Variants in SLC16A5 observed in about 807,000 individuals in gnomAD.
SLC16A5 encodes the protein monocarboxylate transporter 6.
In SLC16A5, 29 loss-of-function variants were observed where a neutral mutation model predicts 33.2. The observed-to-expected ratio is 0.87, with a 90% confidence interval of 0.65 to 1.19. SLC16A5 has a LOEUF of 1.19. SLC16A5 is among the 50% of genes most tolerant of loss of function. The probability of loss-of-function intolerance (pLI) is 0.00; values close to 1 mark genes in which losing one functional copy is unlikely to be tolerated. For synonymous variants in SLC16A5, 248 were observed against 284.1 expected, an observed-to-expected ratio of 0.87 and a Z score of 1.28; for missense variants, 606 against 678.2, an observed-to-expected ratio of 0.89 and a Z score of 1.18.
downstream of SLC16A5, among the ~76,000 whole-genome samples, chr17:75,109,125 A>G (rs1198192653): frequency 6.6e-6 from 1 of 152,014 alleles, no homozygotes; most frequent in Non-Finnish European, 1.5e-5. This position sits in a 1 kb window ranked among gnomAD's most constrained non-coding sequence, Gnocchi z 5.0. Flanking sequence ...CGAGCAATCT[A>G]TCACACACCC....
chr17:75,096,409 C>G (rs966202195), intron 3 of SLC16A5, among the ~76,000 whole-genome samples: 2 of 150,602 alleles, frequency 1.3e-5, no homozygotes, highest in Non-Finnish European at 2.9e-5. Context: ...CGTGAGGAAG[C>G]TCTGTGGGTC....
At chr17:75,095,612 C>T (rs1294556159) in intron 3 of SLC16A5, among the ~76,000 whole-genome samples, 1 of 152,132 alleles carries the variant, frequency 6.6e-6, no homozygotes, top group African/African-American at 2.4e-5. Context: ...ATCCTGCCAC[C>T]TCAGCCTCCC....
chr17:75,107,064 A>G (rs1431107928), downstream of SLC16A5, among the ~76,000 whole-genome samples: 2 of 151,928 alleles, frequency 1.3e-5, no homozygotes, highest in Non-Finnish European at 2.9e-5. Flanking sequence ...TAATCCCAAC[A>G]CTTTGGAAGG....
chr17:75,092,147 G>A lies in SLC16A5; in HGVS notation c.-48-1442G>A, dbSNP rs759162111. ...CATGTATGCATGTGTGTACATATGC[G>A]TGTGTCTCTCTGTGTTTGTGTGTAA... On this transcript the variant is annotated intron_variant, in intron 2 of 6. Transcript: ENST00000329783. 2.6e-5 allele frequency among the ~76,000 whole-genome samples: 4 copies of A among 151,940 alleles called. No individual in the cohort carries two copies. In the South Asian group the frequency reaches 6.2e-4, roughly 24 times the overall value.
At chr17:75,109,489 G>GA (rs2145105197), downstream of SLC16A5, among the ~76,000 whole-genome samples, 1 of 152,348 alleles carries the variant, frequency 6.6e-6, no homozygotes, top group Admixed American at 6.5e-5. The surrounding 1 kb of genome is among the most constrained non-coding windows in gnomAD (Gnocchi z 5.0). Context: ...CCCTGGAGGT[G>GA]CTTCTGCCTC....
At chr17:75,092,656 C>T (rs182264517) in intron 2 of SLC16A5, among the ~76,000 whole-genome samples, 1 of 151,836 alleles carries the variant, frequency 6.6e-6, no homozygotes, top group East Asian at 1.9e-4. Flanking sequence ...TTTGTGTGCC[C>T]GTGTGGTCTT....
downstream of SLC16A5, among the ~76,000 whole-genome samples, chr17:75,108,813 T>C (rs966736539): frequency 2.0e-5 from 3 of 150,436 alleles, no homozygotes; most frequent in African/African-American, 7.3e-5. Context: ...CAGATGGCCA[T>C]TCAAAAGTAT....
At chr17:75,105,623 A>G (rs2073853267) in intron 6 of SLC16A5, 1 of 985,406 alleles carries the variant, frequency 1.0e-6, no homozygotes, top group Non-Finnish European at 1.2e-6. Context: ...TCATCAGCCC[A>G]TTCTTGTCCC....
upstream of SLC16A5, chr17:75,087,717 C>T (rs774676119): frequency 1.3e-5 from 2 of 152,258 alleles, no homozygotes; most frequent in Non-Finnish European, 2.9e-5. Context: ...GACCCTGAGC[C>T]GGGAAAACCA....
chr17:75,095,875 G>A (rs1217095648), intron 3 of SLC16A5, among the ~76,000 whole-genome samples: 1 of 151,772 alleles, frequency 6.6e-6, no homozygotes, highest in Non-Finnish European at 1.5e-5. Context: ...TAGCCAGGAT[G>A]GTCTCGATCT....
downstream of SLC16A5, among the ~76,000 whole-genome samples, chr17:75,108,177 TTGCC>T (rs541986496): frequency 6.0e-4 from 92 of 152,224 alleles, no homozygotes; most frequent in African/African-American, 1.7e-3. Flanking sequence ...ATCTAGCTGA[TTGCC>T]TGCGAACCTC....
intron 4 of SLC16A5, among the ~76,000 whole-genome samples, chr17:75,099,733 T>C (rs3935680): frequency 0.54 from 82,661 of 152,074 alleles, 23,852 homozygotes; most frequent in African/African-American, 0.76. Context: ...GCCACCGCGC[T>C]CGGCCCAATT....
chr17:75,093,469 G>T, intron 2 of SLC16A5, 120 bp from the exon 3 acceptor site: 1 of 1,536,194 alleles, frequency 6.5e-7, no homozygotes, highest in Non-Finnish European at 8.7e-7. Context: ...GTGCCCCTCT[G>T]TGACACCTGG....
intron 2 of SLC16A5, among the ~76,000 whole-genome samples, chr17:75,092,251 G>A (rs62084977): frequency 0.33 from 50,087 of 151,680 alleles, 8,442 homozygotes; most frequent in African/African-American, 0.38. Context: ...TGCATTGTGT[G>A]TGACGGTACA....
At chr17:75,101,547 G>T (rs2073799305) in intron 5 of SLC16A5, among the ~76,000 whole-genome samples, 1 of 113,774 alleles carries the variant, frequency 8.8e-6, no homozygotes, top group Admixed American at 1.0e-4. Context: ...GGGTGACAGA[G>T]TGAGACTCCA....
intron 5 of SLC16A5, among the ~76,000 whole-genome samples, 190 bp from the exon 6 acceptor site, chr17:75,103,780 G>A (rs2073828750): frequency 6.6e-6 from 1 of 152,188 alleles, no homozygotes; most frequent in African/African-American, 2.4e-5. Context: ...GACTCTTCCT[G>A]CCCAGGCCAG....
At chr17:75,093,394 C>T in intron 2 of SLC16A5, 195 bp from the exon 3 acceptor site, 1 of 1,535,596 alleles carries the variant, frequency 6.5e-7, no homozygotes, top group Non-Finnish European at 8.7e-7. Flanking sequence ...CAGGCTGGCT[C>T]TGGGAAGTGG....
At chr17:75,106,802 G>A (rs1015042235), downstream of SLC16A5, among the ~76,000 whole-genome samples, 7 of 152,090 alleles carry the variant, frequency 4.6e-5, no homozygotes, top group African/African-American at 1.4e-4. Context: ...GGCTGAGGCA[G>A]GAAATTTGCT....
At chr17:75,090,452 CTTTTCTTTTCT>C (rs1174866565) in intron 2 of SLC16A5, 2 of 130,822 alleles carry the variant, frequency 1.5e-5, no homozygotes, top group South Asian at 2.4e-4. Flanking sequence ...AGTTTCTTTT[CTTTTCTTTTCT>C]TTTTTTTTTT....
Sources: gnomAD v4.1 joint callset for allele counts (sites outside exome capture counted in the v4.1 genomes callset) on GRCh38, gnomAD v4.1.1 for gene constraint, Gnocchi (gnomAD v3.1) non-coding constraint, MANE v1.5 for transcripts, NCBI Gene and HGNC (gene_info 2026-07-23, HGNC 2026-07-21) for gene names.